The following PRDM1 variants were observed in gnomAD, a reference collection of about 807,000 sequenced individuals.
The protein encoded by PRDM1 is PR domain zinc finger protein 1.
PRDM1 carries 13 observed loss-of-function variants against 62.8 expected under a neutral mutation model. The observed-to-expected ratio is 0.21, with a 90% CI of 0.13 to 0.33. The LOEUF (loss-of-function observed/expected upper bound fraction) is 0.33, where lower values mean the gene tolerates loss of function less well. PRDM1 is among the 10% of genes least tolerant of loss of function. PRDM1 has a pLI of 1.00. For synonymous variants in PRDM1, 396 were observed against 417.6 expected, an observed-to-expected ratio of 0.95 and a Z score of 0.63; for missense variants, 895 against 1,058.8, an observed-to-expected ratio of 0.85 and a Z score of 2.15.
intron 1 of PRDM1, among the ~76,000 whole-genome samples, chr6:106,020,524 TC>T (rs1459438148): frequency 6.6e-6 from 1 of 152,138 alleles, no homozygotes; most frequent in African/African-American, 2.4e-5. Flanking sequence ...GAGTATACTG[TC>T]CCCATTTTAC....
intron 1 of PRDM1, chr6:106,087,708 G>C (rs1376523240): frequency 4.3e-6 from 1 of 232,642 alleles, no homozygotes; most frequent in Non-Finnish European, 8.5e-6. Flanking sequence ...GAAAAGGCAG[G>C]CTGGGTTCCG....
At chr6:106,071,330 G>T (rs1463542860) in intron 1 of PRDM1, among the ~76,000 whole-genome samples, 1 of 151,908 alleles carries the variant, frequency 6.6e-6, no homozygotes, top group Non-Finnish European at 1.5e-5. Context: ...AGAATGAGGA[G>T]AATTATATGT....
At chr6:106,019,441 A>G (rs1270116568) in intron 1 of PRDM1, among the ~76,000 whole-genome samples, 1 of 151,036 alleles carries the variant, frequency 6.6e-6, no homozygotes, top group East Asian at 1.9e-4. Flanking sequence ...TCTTCTCCCT[A>G]TAATTAAAAA....
chr6:106,050,569 T>G (rs746193687), intron 1 of PRDM1, among the ~76,000 whole-genome samples: 1 of 152,230 alleles, frequency 6.6e-6, no homozygotes, highest in Non-Finnish European at 1.5e-5. Context: ...CTGAAGAATG[T>G]ATATTCCTAA....
At chr6:106,086,003 A>G (rs1010465873), upstream of PRDM1, among the ~76,000 whole-genome samples, 3 of 152,206 alleles carry the variant, frequency 2.0e-5, no homozygotes, top group African/African-American at 7.2e-5. Flanking sequence ...CTGAGAAATC[A>G]GAAACTGTGT....
intron 1 of PRDM1, chr6:106,087,689 C>T: frequency 8.6e-6 from 2 of 232,796 alleles, no homozygotes; most frequent in Non-Finnish European, 1.7e-5. Context: ...GTTCGGTCTT[C>T]CCCATTTGGA....
intron 1 of PRDM1, among the ~76,000 whole-genome samples, chr6:106,039,759 A>G (rs1282011949): frequency 2.0e-5 from 3 of 152,264 alleles, no homozygotes; most frequent in African/African-American, 7.2e-5. Context: ...GTGAAACAGT[A>G]GTACTAAATG....
At chr6:106,088,122 G>GT (rs1292041270) in intron 1 of PRDM1, 79 bp from the exon 2 acceptor site, 4 of 1,494,946 alleles carry the variant, frequency 2.7e-6, no homozygotes, top group Non-Finnish European at 3.6e-6. Flanking sequence ...TCAGACTACT[G>GT]TATTAGTCAT....
intron 1 of PRDM1, among the ~76,000 whole-genome samples, chr6:106,056,282 C>T (rs964848026): frequency 1.3e-5 from 2 of 152,182 alleles, no homozygotes; most frequent in Non-Finnish European, 2.9e-5. Flanking sequence ...GGAGAGTCTG[C>T]ACTCACCCAC....
chr6:106,086,109 G>C (rs560617864), upstream of PRDM1, among the ~76,000 whole-genome samples: 127 of 152,298 alleles, frequency 8.3e-4, no homozygotes, highest in Non-Finnish European at 1.4e-3. Context: ...GAATACAATA[G>C]AGCCCAAGTA....
Position 106,105,308 on chromosome 6 carries a change from C to T in PRDM1, c.1148C>T (p.Thr383Met), listed in dbSNP as rs548489075. 12 of 1,613,232 alleles carry T rather than the reference C, an allele frequency of 7.4e-6. No individual in the cohort carries two copies. The highest frequency in any genetic ancestry group is 1.7e-4 in the Middle Eastern group (1 of 6,056). The change falls in exon 5 of 7, where the codon ACG becomes ATG. Residue 383 changes from threonine (T) to methionine (M), a missense_variant. Coordinates refer to ENST00000369096, the MANE Select transcript of PRDM1 (RefSeq NM_001198.4). ...GCTTACTTGAACGCGTCCTACGGCACGGAAGGTTTGGGCTCCTACCCTGGC... is the reference window on the plus strand; with the variant it reads ...GCTTACTTGAACGCGTCCTACGGCATGGAAGGTTTGGGCTCCTACCCTGGC... ...SYAYLNASYG[T>M]EGLGSYPGYA...
At chr6:105,995,584 T>TA (rs1238129771) in intron 1 of PRDM1, among the ~76,000 whole-genome samples, 1 of 152,134 alleles carries the variant, frequency 6.6e-6, no homozygotes, top group Non-Finnish European at 1.5e-5. Context: ...GGAAAAATAA[T>TA]AAAATGTACA....
chr6:106,015,198 C>T (rs182280205), intron 1 of PRDM1, among the ~76,000 whole-genome samples: 31 of 152,332 alleles, frequency 2.0e-4, no homozygotes, highest in African/African-American at 7.2e-4. Flanking sequence ...AGGAGCTTTA[C>T]ACATTGTAAA....
intron 1 of PRDM1, among the ~76,000 whole-genome samples, chr6:106,033,573 C>T (rs994285942): frequency 3.3e-5 from 5 of 152,096 alleles, no homozygotes; most frequent in African/African-American, 1.2e-4. Context: ...ACCTAGGCCT[C>T]CCAAAGTGCT....
intron 1 of PRDM1, among the ~76,000 whole-genome samples, chr6:106,075,422 T>C (rs892212193): frequency 6.6e-5 from 10 of 152,228 alleles, no homozygotes; most frequent in South Asian, 2.1e-4. Context: ...TGGTGATCTA[T>C]GGCATTCAGA....
chr6:106,106,013 C>T lies in PRDM1; in HGVS notation c.1773+80C>T, dbSNP rs932577462. 190 of 1,525,562 alleles carry T rather than the reference C, an allele frequency of 1.2e-4. No individual in the cohort carries two copies. Among genetic ancestry groups the T allele is most frequent in the Non-Finnish European group, 1.6e-4 (187 of 1,135,928 alleles). The allele number at this position is 1,525,562 out of a possible 1,614,324, so 94.5% of individuals were successfully genotyped here. ...ATTTAGCTTGCTTTCCATGGGGTAT[C>T]GATTGCATTTGCAGTAGTATGAGCC... On this transcript the variant is annotated intron_variant, in intron 5 of 6. Coordinates refer to ENST00000369096, the MANE Select transcript of PRDM1 (RefSeq NM_001198.4). This position sits in a 1 kb window ranked among gnomAD's most constrained non-coding sequence, Gnocchi z 4.4.
At chr6:106,064,213 T>G (rs1773391200) in intron 1 of PRDM1, among the ~76,000 whole-genome samples, 1 of 152,154 alleles carries the variant, frequency 6.6e-6, no homozygotes, top group African/African-American at 2.4e-5. Flanking sequence ...GCCCAGGTGG[T>G]GAAAGTTAAG....
At chr6:106,058,190 A>C (rs375208044) in intron 1 of PRDM1, among the ~76,000 whole-genome samples, 142 of 152,318 alleles carry the variant, frequency 9.3e-4, no homozygotes, top group African/African-American at 3.0e-3. Flanking sequence ...GGCAGCTTGT[A>C]AACAAAAGAA....
intron 1 of PRDM1, among the ~76,000 whole-genome samples, chr6:106,058,790 G>A (rs1359013000): frequency 1.3e-5 from 2 of 152,064 alleles, no homozygotes; most frequent in African/African-American, 4.8e-5. Context: ...GGCTGGTCTT[G>A]AACTCCCGAC....
Sources: gnomAD v4.1 joint callset for allele counts (sites outside exome capture counted in the v4.1 genomes callset) on GRCh38, gnomAD v4.1.1 for gene constraint, Gnocchi (gnomAD v3.1) non-coding constraint, MANE v1.5 for transcripts, NCBI Gene and HGNC (gene_info 2026-07-23, HGNC 2026-07-21) for gene names.